Variants in DCC observed in about 807,000 individuals in gnomAD.
The protein encoded by DCC is DCC netrin 1 receptor, also known as netrin receptor DCC.
DCC carries 58 observed loss-of-function variants against 172.5 expected under a neutral mutation model. That is an observed-to-expected ratio of 0.34 (90% confidence interval 0.27 to 0.42). The LOEUF is 0.42. Ranked by LOEUF, DCC falls within the 10% of genes least tolerant of loss-of-function variation. The probability of loss-of-function intolerance (pLI) is 1.00; values close to 1 mark genes in which losing one functional copy is unlikely to be tolerated. For missense variants in DCC, 1,740 were observed against 1,791.0 expected, an observed-to-expected ratio of 0.97 and a Z score of 0.51; for synonymous variants, 709 against 644.5, an observed-to-expected ratio of 1.10 and a Z score of -1.52.
At chr18:53,162,622 A>T (rs907998334) in intron 8 of DCC, among the ~76,000 whole-genome samples, 6 of 152,122 alleles carry the variant, frequency 3.9e-5, no homozygotes, top group Non-Finnish European at 8.8e-5. Context: ...CTCTATTGAG[A>T]TCTTTGCGCT....
At chr18:53,301,815 C>T (rs942928134) in intron 12 of DCC, among the ~76,000 whole-genome samples, 1 of 152,066 alleles carries the variant, frequency 6.6e-6, no homozygotes, top group African/African-American at 2.4e-5. Context: ...TCCTCCTCTT[C>T]CTTATTTTGT....
At chr18:52,612,109 T>C (rs2034287123) in intron 1 of DCC, among the ~76,000 whole-genome samples, 1 of 152,174 alleles carries the variant, frequency 6.6e-6, no homozygotes, top group Admixed American at 6.5e-5. Context: ...CACTCCAAAC[T>C]GACATACCCC....
chr18:53,348,036 C>A (rs940815531), intron 15 of DCC, among the ~76,000 whole-genome samples: 1 of 152,150 alleles, frequency 6.6e-6, no homozygotes, highest in African/African-American at 2.4e-5. Flanking sequence ...TATGTCCTCA[C>A]ATTTCAAAAC....
At chr18:52,404,823 C>T (rs1354236642) in intron 1 of DCC, among the ~76,000 whole-genome samples, 1 of 130,172 alleles carries the variant, frequency 7.7e-6, no homozygotes, top group Non-Finnish European at 1.6e-5. Context: ...TCCCCCCACC[C>T]GACAACAGTC....
chr18:52,519,579 C>A (rs768298472), intron 1 of DCC, among the ~76,000 whole-genome samples: 9 of 152,104 alleles, frequency 5.9e-5, no homozygotes, highest in Non-Finnish European at 1.2e-4. Flanking sequence ...AAGAGAGGAA[C>A]AGGTAAAGCA....
At chr18:53,279,859 T>C (rs544530258) in intron 12 of DCC, among the ~76,000 whole-genome samples, 1 of 152,104 alleles carries the variant, frequency 6.6e-6, no homozygotes, top group African/African-American at 2.4e-5. Context: ...CTGTATATCC[T>C]CACTTTGAAA....
chr18:52,885,513 T>C (rs1598898330), intron 2 of DCC, among the ~76,000 whole-genome samples: 1 of 152,064 alleles, frequency 6.6e-6, no homozygotes, highest in Non-Finnish European at 1.5e-5. Flanking sequence ...TCTGTCAGCT[T>C]TTGGTAAATG....
At chr18:52,564,542 C>A (rs2033109898) in intron 1 of DCC, among the ~76,000 whole-genome samples, 1 of 151,698 alleles carries the variant, frequency 6.6e-6, no homozygotes, top group Non-Finnish European at 1.5e-5. Flanking sequence ...AAATAGGTTT[C>A]TTCAAACAGA....
intron 1 of DCC, among the ~76,000 whole-genome samples, chr18:52,694,939 TA>T (rs2035988520): frequency 6.6e-6 from 1 of 152,210 alleles, no homozygotes; most frequent in Non-Finnish European, 1.5e-5. Flanking sequence ...CTAGAGCAGA[TA>T]AAGGATGCTC....
chr18:52,363,563 G>A (rs1368436893), intron 1 of DCC, among the ~76,000 whole-genome samples: 3 of 152,228 alleles, frequency 2.0e-5, no homozygotes, highest in Non-Finnish European at 4.4e-5. Flanking sequence ...GTCAGGCAAA[G>A]ATGCAGTTCT....
intron 2 of DCC, among the ~76,000 whole-genome samples, chr18:52,887,050 A>C (rs2039580569): frequency 6.6e-6 from 1 of 152,188 alleles, no homozygotes; most frequent in Admixed American, 6.6e-5. Context: ...GAGCAGGAGC[A>C]GACTGGAGTG....
At chr18:53,017,288 A>G (rs963131293) in intron 5 of DCC, among the ~76,000 whole-genome samples, 1 of 152,122 alleles carries the variant, frequency 6.6e-6, no homozygotes, top group Non-Finnish European at 1.5e-5. Context: ...TGCAAATATA[A>G]TTTTACTTAT....
At chr18:52,510,891 A>G (rs1180070859) in intron 1 of DCC, among the ~76,000 whole-genome samples, 1 of 152,106 alleles carries the variant, frequency 6.6e-6, no homozygotes, top group African/African-American at 2.4e-5. Context: ...GAGAGTTATC[A>G]TTACAGTGTC....
intron 2 of DCC, among the ~76,000 whole-genome samples, chr18:52,775,553 T>TC (rs992812359): frequency 1.3e-5 from 2 of 152,150 alleles, no homozygotes; most frequent in East Asian, 3.9e-4. Context: ...GAGATGGTTT[T>TC]CCCCCAGAGT....
At chr18:52,634,995 G>A (rs1163503566) in intron 1 of DCC, among the ~76,000 whole-genome samples, 2 of 152,126 alleles carry the variant, frequency 1.3e-5, no homozygotes, top group East Asian at 3.9e-4. Context: ...ATTCTTATAA[G>A]ATAGGGTCAT....
chr18:52,571,515 G>A (rs1598922094), intron 1 of DCC, among the ~76,000 whole-genome samples: 1 of 152,140 alleles, frequency 6.6e-6, no homozygotes, highest in East Asian at 1.9e-4. Context: ...TCCTGAAAAT[G>A]GCATGTAACT....
At chr18:52,951,075 C>T (rs2040639032) in intron 5 of DCC, among the ~76,000 whole-genome samples, 1 of 150,812 alleles carries the variant, frequency 6.6e-6, no homozygotes. Context: ...GCTTGTTGCT[C>T]GGTCCTGCAT....
At chr18:53,389,425 G>T (rs2145003564) in intron 16 of DCC, among the ~76,000 whole-genome samples, 1 of 152,278 alleles carries the variant, frequency 6.6e-6, no homozygotes, top group African/African-American at 2.4e-5. Flanking sequence ...GCTCTGCTTT[G>T]CTGGAAATGC....
At chr18:52,692,158 C>T (rs1195172470) in intron 1 of DCC, among the ~76,000 whole-genome samples, 2 of 152,018 alleles carry the variant, frequency 1.3e-5, no homozygotes, top group African/African-American at 2.4e-5. Context: ...GGGCTTTGGC[C>T]CTCCCTCAAC....
Sources: allele counts gnomAD v4.1 joint callset (sites outside exome capture counted in the v4.1 genomes callset), GRCh38; gene constraint gnomAD v4.1.1; transcripts MANE v1.5; gene names NCBI Gene and HGNC (gene_info 2026-07-23, HGNC 2026-07-21).